Variants in CSMD1 observed in about 807,000 individuals in gnomAD.
CSMD1 encodes the protein CUB and Sushi multiple domains 1.
Under a neutral mutation model 417.5 loss-of-function variants are expected in CSMD1, and 213 were observed. That is an observed-to-expected ratio of 0.51 (90% confidence interval 0.46 to 0.57). The LOEUF (loss-of-function observed/expected upper bound fraction) is 0.57, where lower values mean the gene tolerates loss of function less well. CSMD1 is among the 20% of genes least tolerant of loss of function. CSMD1 has a pLI of 0.00. For synonymous variants in CSMD1, 2,862 were observed against 1,736.8 expected (o/e 1.65, Z -16.11); for missense variants, 6,923 against 4,529.7 (o/e 1.53, Z -15.17).
At chr8:4,468,861 A>G (rs1007195026) in intron 2 of CSMD1, among the ~76,000 whole-genome samples, 10 of 152,216 alleles carry the variant, frequency 6.6e-5, no homozygotes, top group South Asian at 2.1e-4. Flanking sequence ...TAAGCTAATT[A>G]TAAACTTGAA....
chr8:4,814,670 T>A (rs768368025), intron 1 of CSMD1, among the ~76,000 whole-genome samples: 172 of 152,298 alleles, frequency 1.1e-3, no homozygotes, highest in Admixed American at 2.1e-3. Flanking sequence ...TTGGTGTATA[T>A]GGGTGAACAC....
intron 37 of CSMD1, among the ~76,000 whole-genome samples, chr8:3,174,214 C>G (rs1017245422): frequency 6.6e-6 from 1 of 152,154 alleles, no homozygotes; most frequent in African/African-American, 2.4e-5. Flanking sequence ...GAGACAGAGT[C>G]CAGGCACAGT....
intron 3 of CSMD1, among the ~76,000 whole-genome samples, chr8:4,242,555 G>A (rs894143838): frequency 2.0e-5 from 3 of 152,156 alleles, no homozygotes; most frequent in Non-Finnish European, 2.9e-5. Context: ...CTTCTAGTAA[G>A]TTGTCTTGAA....
chr8:4,054,621 C>A (rs557708616), intron 3 of CSMD1, among the ~76,000 whole-genome samples: 1 of 152,128 alleles, frequency 6.6e-6, no homozygotes, highest in Non-Finnish European at 1.5e-5. Context: ...ATTTCCCCAT[C>A]GGACTGTAAA....
intron 1 of CSMD1, among the ~76,000 whole-genome samples, chr8:4,981,531 A>T (rs954489916): frequency 3.3e-5 from 5 of 152,214 alleles, no homozygotes; most frequent in Admixed American, 2.0e-4. Context: ...ACTGCTTTCA[A>T]TCAATTATAC....
At chr8:3,102,665 G>T (rs886072224) in intron 46 of CSMD1, among the ~76,000 whole-genome samples, 3 of 152,146 alleles carry the variant, frequency 2.0e-5, no homozygotes, top group Non-Finnish European at 4.4e-5. Context: ...ACCAATGCAG[G>T]CCTCCATAAC....
intron 2 of CSMD1, among the ~76,000 whole-genome samples, chr8:4,551,825 T>A (rs1414047199): frequency 4.0e-5 from 6 of 151,892 alleles, no homozygotes; most frequent in African/African-American, 1.5e-4. Context: ...ATACCTGGCT[T>A]ATGCCACTAC....
chr8:4,882,203 G>C (rs907519888), intron 1 of CSMD1, among the ~76,000 whole-genome samples: 1 of 151,896 alleles, frequency 6.6e-6, no homozygotes, highest in Non-Finnish European at 1.5e-5. Context: ...TACACTGCGT[G>C]GTGGATTTCC....
At chr8:3,273,331 T>G (rs1053201923) in intron 26 of CSMD1, among the ~76,000 whole-genome samples, 4 of 152,154 alleles carry the variant, frequency 2.6e-5, no homozygotes, top group African/African-American at 9.7e-5. Flanking sequence ...GGATTCGGTT[T>G]GCCAGTATTT....
chr8:4,842,489 G>A (rs4875397), intron 1 of CSMD1, among the ~76,000 whole-genome samples: 94,497 of 151,662 alleles, frequency 0.62, 29,974 homozygotes, highest in East Asian at 0.95. Context: ...GCAATGGATA[G>A]TTTCAGGAAA....
At chr8:3,264,017 A>T (rs988917649) in intron 26 of CSMD1, among the ~76,000 whole-genome samples, 5 of 152,190 alleles carry the variant, frequency 3.3e-5, no homozygotes, top group African/African-American at 1.2e-4. Flanking sequence ...GTTTATTTAA[A>T]GAGACTTCAG....
intron 33 of CSMD1, among the ~76,000 whole-genome samples, chr8:3,196,791 G>C (rs1238908986): frequency 1.3e-5 from 2 of 152,140 alleles, no homozygotes; most frequent in East Asian, 3.9e-4. Flanking sequence ...CATCACTGGA[G>C]ACCAGTGAGT....
At position 3,984,063 on chromosome 8, in the gene CSMD1, C is replaced by G. The variant is rs1011402417; in HGVS notation, c.818+13840G>C. ...GCAGATCTGATGGGGCTGTCAATTG[C>G]AGCTCTAGAGCACACCACAGATCTA... On this transcript the variant is annotated intron_variant, in intron 5 of 69. Transcript: ENST00000635120. Among the ~76,000 whole-genome samples the G allele has an allele frequency of 2.2e-5, 3 of 138,770 alleles. No homozygotes were observed. The East Asian group carries it at 6.4e-4, about 30-fold the overall frequency. The allele number at this position is 138,770 out of a possible 152,430, so 91.0% of individuals were successfully genotyped here.
chr8:3,990,541 G>A (rs757211353), intron 5 of CSMD1, among the ~76,000 whole-genome samples: 1 of 152,132 alleles, frequency 6.6e-6, no homozygotes, highest in African/African-American at 2.4e-5. Flanking sequence ...TTTATCCATA[G>A]CTACCACCAT....
In CSMD1 at chr8:3,242,291, G is replaced by A. The variant is rs576679193; in HGVS notation, c.4154-12060C>T. ...GATTTGGGACCTAGCTCGGCCTGGG[G>A]AGGAAGGGAGAGGTCAGATGGGGCT... is the stretch of plus-strand genomic sequence containing the variant. On this transcript the variant is annotated intron_variant, in intron 26 of 69. Transcript: ENST00000635120. 6.0e-5 allele frequency among the ~76,000 whole-genome samples: 9 copies of A among 150,282 alleles called. No individual in the cohort carries two copies. In the South Asian group the frequency reaches 6.4e-4, roughly 11 times the overall value.
At chr8:3,969,410 C>A (rs1277343612) in intron 5 of CSMD1, among the ~76,000 whole-genome samples, 6 of 152,188 alleles carry the variant, frequency 3.9e-5, no homozygotes, top group African/African-American at 1.4e-4. Flanking sequence ...TATACCTCCT[C>A]TTCCATGCAG....
At chr8:3,829,370 T>C (rs75936956) in intron 5 of CSMD1, among the ~76,000 whole-genome samples, 3,149 of 152,274 alleles carry the variant, frequency 0.021, 41 homozygotes, top group African/African-American at 0.031. Flanking sequence ...TGTCAAACTA[T>C]ACCCCTTCAG....
intron 25 of CSMD1, among the ~76,000 whole-genome samples, chr8:3,294,625 C>A (rs190700130): frequency 1.8e-4 from 28 of 152,288 alleles, no homozygotes; most frequent in African/African-American, 6.3e-4. Context: ...GAGTCATGCA[C>A]GGGATATAAT....
At chr8:3,644,239 G>C (rs571615691) in intron 7 of CSMD1, among the ~76,000 whole-genome samples, 1 of 152,166 alleles carries the variant, frequency 6.6e-6, no homozygotes, top group Non-Finnish European at 1.5e-5. Context: ...AGGTCGTTGA[G>C]GTGACACTAA....
Sources: gnomAD v4.1 joint callset for allele counts (sites outside exome capture counted in the v4.1 genomes callset) on GRCh38, gnomAD v4.1.1 for gene constraint, MANE v1.5 for transcripts, NCBI Gene and HGNC (gene_info 2026-07-23, HGNC 2026-07-21) for gene names.